The following SESN1 variants were observed in gnomAD, a reference collection of about 807,000 sequenced individuals.
SESN1 encodes the protein sestrin 1, also known as sestrin-1.
SESN1 carries 30 observed loss-of-function variants against 59.3 expected under a neutral mutation model. That is an observed-to-expected ratio of 0.51 (90% CI 0.38 to 0.69). SESN1 has a LOEUF of 0.69. Ranked by LOEUF, SESN1 falls within the 30% of genes least tolerant of loss-of-function variation. The pLI is 0.00. For synonymous variants in SESN1, 197 were observed against 219.9 expected (o/e 0.90, Z 0.92); for missense variants, 566 against 673.0 (o/e 0.84, Z 1.76).
At chr6:109,089,129 C>T (rs1448868576) in intron 1 of SESN1, among the ~76,000 whole-genome samples, 1 of 151,994 alleles carries the variant, frequency 6.6e-6, no homozygotes, top group African/African-American at 2.4e-5. Flanking sequence ...ATCGTTTCTC[C>T]CTTGCCAACT....
chr6:108,994,349 T>C (rs1779455591), intron 6 of SESN1, 113 bp downstream of exon 6: 1 of 788,868 alleles, frequency 1.3e-6, no homozygotes, highest in Non-Finnish European at 1.9e-6. Flanking sequence ...TATGCAATAG[T>C]CTCTCTAAAA....
chr6:109,000,701 T>C, intron 3 of SESN1, 28 bp from the exon 4 acceptor site: 4 of 1,485,004 alleles, frequency 2.7e-6, no homozygotes. Context: ...ATTCTAATTA[T>C]AAATATTAAA....
At chr6:108,992,034 T>C (rs1779396452) in intron 7 of SESN1, among the ~76,000 whole-genome samples, 1 of 152,202 alleles carries the variant, frequency 6.6e-6, no homozygotes, top group Non-Finnish European at 1.5e-5. Context: ...ACATGATGTC[T>C]TCAATTTCTA....
chr6:109,043,081 G>A (rs1268046251), intron 1 of SESN1, among the ~76,000 whole-genome samples: 1 of 152,016 alleles, frequency 6.6e-6, no homozygotes, highest in Non-Finnish European at 1.5e-5. Context: ...ACAGGCTAAG[G>A]AAGAAAAACC....
chr6:109,072,849 C>T (rs575986438), intron 1 of SESN1, among the ~76,000 whole-genome samples: 9 of 151,216 alleles, frequency 6.0e-5, no homozygotes, highest in Admixed American at 2.0e-4. Context: ...TAAGGCAACA[C>T]GATAGTTGAC....
chr6:108,998,937 GAACTT>G lies in SESN1; in HGVS notation c.730-187_730-183del, dbSNP rs899837645. The G allele has an allele frequency of 9.1e-6, 5 of 548,408 alleles. No individual in the cohort carries two copies. The African/African-American group carries it at 9.6e-5, about 10-fold the overall frequency. The allele number at this position is 548,408 out of a possible 1,614,324, so 34.0% of individuals were successfully genotyped here. A position where few individuals can be genotyped will look rare whatever the true frequency, so the allele number is the denominator to read the frequency against. Reference sequence around the variant, plus strand: ...TTTTATGAATATGCATTCACAAATAGAACTTAACATAATCTGTTAAGACATTCACT... The same window carrying G: ...TTTTATGAATATGCATTCACAAATAGAACATAATCTGTTAAGACATTCACT... On this transcript the variant is annotated intron_variant, in intron 4 of 9. Transcript: ENST00000436639.
intron 5 of SESN1, among the ~76,000 whole-genome samples, 157 bp from the exon 6 acceptor site, chr6:108,994,766 G>A (rs1402696662): frequency 6.8e-6 from 1 of 146,626 alleles, no homozygotes; most frequent in Non-Finnish European, 1.5e-5. Context: ...GCAGTGGCGC[G>A]ATCTCGGCTC....
At chr6:108,992,718 G>T in intron 7 of SESN1, 69 bp downstream of exon 7, 1 of 947,330 alleles carries the variant, frequency 1.1e-6, no homozygotes, top group Non-Finnish European at 1.7e-6. Flanking sequence ...AATCTAAGTG[G>T]CTGTTTTGTA....
At chr6:109,028,519 C>T (rs1780131580) in intron 1 of SESN1, among the ~76,000 whole-genome samples, 2 of 152,016 alleles carry the variant, frequency 1.3e-5, no homozygotes, top group South Asian at 4.2e-4. Context: ...TATATTAACT[C>T]CATGCAGCAA....
At chr6:109,022,511 C>G (rs1780028628) in intron 1 of SESN1, among the ~76,000 whole-genome samples, 1 of 148,256 alleles carries the variant, frequency 6.7e-6, no homozygotes, top group Non-Finnish European at 1.5e-5. Flanking sequence ...CAAGCTCCAC[C>G]TCCCGGGTTC....
At chr6:109,058,358 T>C (rs542057187) in intron 1 of SESN1, among the ~76,000 whole-genome samples, 1 of 152,292 alleles carries the variant, frequency 6.6e-6, no homozygotes, top group South Asian at 2.1e-4. Context: ...GTGTACTCAG[T>C]ATAGTAACAT....
intron 5 of SESN1, among the ~76,000 whole-genome samples, chr6:108,995,953 A>G (rs961590732): frequency 6.6e-6 from 1 of 152,176 alleles, no homozygotes; most frequent in Non-Finnish European, 1.5e-5. Flanking sequence ...CCTTGTAAAC[A>G]CTGTCATTTA....
rs141542101 is a variant in SESN1 at position 109,020,192 on chromosome 6, T to A, written c.280-17849A>T. 2.7e-3 allele frequency among the ~76,000 whole-genome samples: 416 copies of A among 152,264 alleles called. 6 individuals carry two copies. The highest frequency in any genetic ancestry group is 9.3e-3 in the African/African-American group (386 of 41,542). On this transcript the variant is annotated intron_variant, in intron 1 of 9. Transcript: ENST00000436639. Reference sequence around the variant, plus strand: ...AGGCCTAAGCTTCTTCTTTTTTTCTTTTTTTTATGTATTGTCACAAGAGAA... The same window carrying A: ...AGGCCTAAGCTTCTTCTTTTTTTCTATTTTTTATGTATTGTCACAAGAGAA...
intron 1 of SESN1, among the ~76,000 whole-genome samples, chr6:109,067,511 AG>A (rs1780854509): frequency 6.6e-6 from 1 of 152,232 alleles, no homozygotes; most frequent in Non-Finnish European, 1.5e-5. Context: ...AGCTTTTCAA[AG>A]GGATCCATTT....
chr6:108,994,698 CTTTTTTTTT>C (rs11395949), intron 5 of SESN1, 89 bp from the exon 6 acceptor site: 4 of 293,050 alleles, frequency 1.4e-5, no homozygotes, highest in African/African-American at 2.9e-5. Flanking sequence ...GAATTTATAT[CTTTTTTTTT>C]TTTTTTTTTT....
chr6:109,006,247 A>C (rs1189730482), intron 1 of SESN1, among the ~76,000 whole-genome samples: 1 of 152,234 alleles, frequency 6.6e-6, no homozygotes, highest in African/African-American at 2.4e-5. Flanking sequence ...TCTATGAAGC[A>C]GGTACTATTA....
intron 4 of SESN1, chr6:108,999,912 C>T (rs1458199224): frequency 1.3e-5 from 2 of 152,060 alleles, no homozygotes; most frequent in Non-Finnish European, 2.9e-5. Context: ...AATGGATAAA[C>T]AAACTATGGC....
chr6:109,030,525 T>A (rs1262261333), intron 1 of SESN1, among the ~76,000 whole-genome samples: 1 of 152,178 alleles, frequency 6.6e-6, no homozygotes, highest in Non-Finnish European at 1.5e-5. Context: ...CTAAAGTTAC[T>A]TTATCCATAA....
intron 1 of SESN1, among the ~76,000 whole-genome samples, chr6:109,043,544 T>C (rs1326134245): frequency 6.6e-6 from 1 of 152,158 alleles, no homozygotes; most frequent in African/African-American, 2.4e-5. Flanking sequence ...ACAAAGTTAA[T>C]ATACAAGAGT....
Sources: allele counts gnomAD v4.1 joint callset (sites outside exome capture counted in the v4.1 genomes callset), GRCh38; gene constraint gnomAD v4.1.1; transcripts MANE v1.5; gene names NCBI Gene and HGNC (gene_info 2026-07-23, HGNC 2026-07-21).